Variants in PTPN13 observed in about 807,000 individuals in gnomAD.
PTPN13 encodes the protein tyrosine-protein phosphatase non-receptor type 13.
PTPN13 carries 191 observed loss-of-function variants against 284.0 expected under a neutral mutation model. That is an observed-to-expected ratio of 0.67 (90% CI 0.60 to 0.76). The LOEUF (loss-of-function observed/expected upper bound fraction) is 0.76. PTPN13 is among the 30% of genes least tolerant of loss of function. PTPN13 has a pLI of 0.00. For synonymous variants in PTPN13, 986 were observed against 1,022.3 expected (o/e 0.96, Z 0.68); for missense variants, 2,797 against 2,939.9 (o/e 0.95, Z 1.12).
chr4:86,627,408 G>A (rs1361002577), intron 1 of PTPN13, among the ~76,000 whole-genome samples: 1 of 151,974 alleles, frequency 6.6e-6, no homozygotes, highest in Admixed American at 6.6e-5. Context: ...AATGTTACCT[G>A]AAGTTGTGGT....
chr4:86,718,367 A>G (rs890158485), intron 9 of PTPN13, among the ~76,000 whole-genome samples: 1 of 152,160 alleles, frequency 6.6e-6, no homozygotes, highest in African/African-American at 2.4e-5. Context: ...AGGTAACCCT[A>G]GCCATGTGAT....
chr4:86,639,120 C>T (rs1456832733), intron 2 of PTPN13, among the ~76,000 whole-genome samples: 4 of 151,846 alleles, frequency 2.6e-5, no homozygotes, highest in African/African-American at 7.3e-5. Context: ...ATCAAAACCA[C>T]AATGAGATAC....
At chr4:86,668,583 A>G (rs1727355134) in intron 2 of PTPN13, among the ~76,000 whole-genome samples, 1 of 151,662 alleles carries the variant, frequency 6.6e-6, no homozygotes, top group African/African-American at 2.4e-5. Flanking sequence ...GTAATTTCTC[A>G]TTTTTGTTTT....
At chr4:86,604,880 A>G (rs145660948) in intron 1 of PTPN13, among the ~76,000 whole-genome samples, 1 of 152,180 alleles carries the variant, frequency 6.6e-6, no homozygotes, top group Non-Finnish European at 1.5e-5. Flanking sequence ...CTTGAAACAC[A>G]CAGAGAAAAG....
At chr4:86,660,517 T>C (rs1726362031) in intron 2 of PTPN13, among the ~76,000 whole-genome samples, 1 of 152,148 alleles carries the variant, frequency 6.6e-6, no homozygotes, top group Non-Finnish European at 1.5e-5. Flanking sequence ...ACTAGTGCCT[T>C]AATTATTATA....
At chr4:86,667,050 T>C (rs530999868) in intron 2 of PTPN13, among the ~76,000 whole-genome samples, 2 of 152,346 alleles carry the variant, frequency 1.3e-5, no homozygotes, top group Non-Finnish European at 2.9e-5. Context: ...CTGCTTTTCA[T>C]TAAAGGAATA....
intron 2 of PTPN13, among the ~76,000 whole-genome samples, chr4:86,648,572 A>G (rs1380577478): frequency 6.6e-6 from 1 of 152,116 alleles, no homozygotes; most frequent in East Asian, 1.9e-4. Context: ...TTCTTTTAAT[A>G]TGGCCAAATA....
intron 20 of PTPN13, among the ~76,000 whole-genome samples, chr4:86,754,102 G>A (rs1737715014): frequency 1.3e-5 from 2 of 151,844 alleles, no homozygotes; most frequent in African/African-American, 4.8e-5. Flanking sequence ...AAATTTTCTT[G>A]GAATTAAAAT....
rs1731162684 is a variant in PTPN13 at position 86,701,547 on chromosome 4, C to T, written c.941C>T (p.Ser314Phe). ...CTTTGTACAGCTGACAGAGACTTCTCTTCAGGAGAGACTGCCACATATCGT... is the reference window on the plus strand; with the variant it reads ...CTTTGTACAGCTGACAGAGACTTCTTTTCAGGAGAGACTGCCACATATCGT... The part of the protein sequence containing the change: ...DLLCTADRDF[S>F]SGETATYRRC... The change falls in exon 7 of 48, where the codon TCT (serine) becomes TTT (phenylalanine). Residue 314 changes from serine to phenylalanine, a missense_variant. By Grantham distance (155) the Ser-to-Phe change is radical (BLOSUM62 -2). Coordinates refer to ENST00000411767, the MANE Select transcript of PTPN13 (RefSeq NM_080683.3). 6.2e-7 allele frequency: 1 copy of T among 1,613,968 alleles called. No individual in the cohort carries two copies. Among genetic ancestry groups the T allele is most frequent in the Non-Finnish European group, 8.5e-7 (1 of 1,179,850 alleles).
At chr4:86,672,845 T>C (rs1022173678) in intron 3 of PTPN13, among the ~76,000 whole-genome samples, 1 of 152,242 alleles carries the variant, frequency 6.6e-6, no homozygotes, top group African/African-American at 2.4e-5. Context: ...AAGTTGACCC[T>C]GATTAACATG....
chr4:86,654,502 A>AC (rs1238633080), intron 2 of PTPN13, among the ~76,000 whole-genome samples: 1 of 152,216 alleles, frequency 6.6e-6, no homozygotes, highest in Non-Finnish European at 1.5e-5. Context: ...TTCGTTATGT[A>AC]CCCAGTAGTC....
intron 10 of PTPN13, among the ~76,000 whole-genome samples, chr4:86,727,769 T>G (rs1346001788): frequency 1.3e-5 from 2 of 149,560 alleles, no homozygotes; most frequent in Non-Finnish European, 3.0e-5. Context: ...AACCAGCTCC[T>G]AAATTCATTG....
intron 20 of PTPN13, 60 bp downstream of exon 20, chr4:86,753,125 G>T (rs1263053641): frequency 2.3e-6 from 3 of 1,307,762 alleles, no homozygotes; most frequent in Non-Finnish European, 3.2e-6. Context: ...TACTGAGATA[G>T]TCTTGGACCT....
In PTPN13 at chr4:86,758,989, C is replaced by T. The variant is rs771920479; in HGVS notation, c.3469C>T (p.His1157Tyr). The T allele has an allele frequency of 6.2e-6, 10 of 1,613,692 alleles. No individual in the cohort carries two copies. The highest frequency in any genetic ancestry group is 8.5e-6 in the Non-Finnish European group (10 of 1,179,698). The change falls in exon 23 of 48, where the codon CAC becomes TAC. Residue 1157 changes from histidine to tyrosine, a missense_variant. His to Tyr is a moderately conservative substitution (Grantham distance 83). Coordinates refer to ENST00000411767, the MANE Select transcript of PTPN13 (RefSeq NM_080683.3). ...TAGTGTGAGTCTGGAGGGAGTCAGC[C>T]ACCATGCTGCAATTGAAATTTTGCA... ...VNSVSLEGVS[H>Y]HAAIEILQNA...
intron 23 of PTPN13, among the ~76,000 whole-genome samples, chr4:86,760,535 A>G: frequency 6.6e-6 from 1 of 152,180 alleles, no homozygotes; most frequent in East Asian, 1.9e-4. Context: ...GTGCAAGACA[A>G]AAAACTCTGC....
At chr4:86,742,907 A>G (rs902172777) in intron 16 of PTPN13, among the ~76,000 whole-genome samples, 2 of 152,234 alleles carry the variant, frequency 1.3e-5, no homozygotes, top group African/African-American at 4.8e-5. Context: ...TAACCCACAT[A>G]TATAGAACGA....
chr4:86,648,500 T>G (rs1006890575), intron 2 of PTPN13, among the ~76,000 whole-genome samples: 2 of 152,198 alleles, frequency 1.3e-5, no homozygotes, highest in African/African-American at 4.8e-5. Context: ...TGTACCTGGC[T>G]TGTTTCACTT....
intron 1 of PTPN13, among the ~76,000 whole-genome samples, chr4:86,617,267 G>A (rs1021921105): frequency 1.2e-4 from 18 of 152,070 alleles, no homozygotes; most frequent in African/African-American, 4.3e-4. Flanking sequence ...AATTCAATTC[G>A]TCTGTTGCAC....
chr4:86,728,670 T>TA (rs1436904817), intron 10 of PTPN13, among the ~76,000 whole-genome samples: 12 of 114,122 alleles, frequency 1.1e-4, no homozygotes, highest in African/African-American at 3.6e-4. Context: ...TTTTTTTTTT[T>TA]TTTTTTTGCT....
Sources: gnomAD v4.1 joint callset for allele counts (sites outside exome capture counted in the v4.1 genomes callset) on GRCh38, gnomAD v4.1.1 for gene constraint, MANE v1.5 for transcripts, NCBI Gene and HGNC (gene_info 2026-07-23, HGNC 2026-07-21) for gene names.